GREB1: variants seen among roughly 807,000 people sequenced by gnomAD.
GREB1 encodes the protein protein GREB1.
GREB1 carries 106 observed loss-of-function variants against 200.7 expected under a neutral mutation model. That is an observed-to-expected ratio of 0.53 (90% CI 0.45 to 0.62). The LOEUF is 0.62. Ranked by LOEUF, GREB1 falls within the 20% of genes least tolerant of loss-of-function variation. The pLI is 0.00. For synonymous variants in GREB1, 1,132 were observed against 1,092.4 expected (o/e 1.04, Z -0.72); for missense variants, 2,243 against 2,556.8 (o/e 0.88, Z 2.65).
intron 1 of GREB1, among the ~76,000 whole-genome samples, chr2:11,488,874 A>T (rs1229240461): frequency 1.5e-4 from 2 of 13,206 alleles, no homozygotes; most frequent in Non-Finnish European, 2.3e-3. Flanking sequence ...AGTTTTCATT[A>T]AAAAAAAAAA....
intron 9 of GREB1, 61 bp from the exon 10 acceptor site, chr2:11,588,685 A>C (rs1438562233): frequency 6.8e-7 from 1 of 1,474,496 alleles, no homozygotes; most frequent in Non-Finnish European, 9.5e-7. Context: ...GAGAACCCAC[A>C]TGTATGGGAC....
At chr2:11,624,204 G>A (rs4668733) in intron 23 of GREB1, among the ~76,000 whole-genome samples, 30,232 of 152,026 alleles carry the variant, frequency 0.2, 3,707 homozygotes, top group South Asian at 0.39. Context: ...TTTGCTCACC[G>A]CTTACTCACT....
At chr2:11,590,707 G>A (rs868756190) in intron 10 of GREB1, among the ~76,000 whole-genome samples, 1 of 152,184 alleles carries the variant, frequency 6.6e-6, no homozygotes, top group African/African-American at 2.4e-5. Flanking sequence ...CAGCTAGGGT[G>A]TAAGCTCCAT....
chr2:11,512,854 A>G (rs1673390053), intron 1 of GREB1, among the ~76,000 whole-genome samples: 1 of 152,202 alleles, frequency 6.6e-6, no homozygotes, highest in Non-Finnish European at 1.5e-5. Context: ...CAGCTTAAGT[A>G]ATTTTATGTT....
In GREB1 at chr2:11,615,117, T is replaced by G. The variant is rs771743771; in HGVS notation, c.3149T>G (p.Leu1050Trp). The stretch of plus-strand genomic sequence containing the variant: ...TCTTTGAGGTACTGTGACCTGCGAT[T>G]GATAAACTCCTCCTGCTTGGTGAGA... ...PRSLRYCDLR[L>W]INSSCLVRTA... is the part of the protein sequence containing the mutation. Residue 1050 changes from leucine (L) to tryptophan (W), a missense_variant, in exon 20 of 33, where the codon TTG becomes TGG. Leu to Trp is a moderately conservative substitution (Grantham distance 61). Around this residue, in one of 3 missense-constraint regions of GREB1, gnomAD observed 1,178 missense variants for 1,387.4 expected, o/e 0.85. Coordinates refer to ENST00000381486, the MANE Select transcript of GREB1 (RefSeq NM_014668.4). The G allele has an allele frequency of 6.2e-7, 1 of 1,614,124 alleles. No homozygotes were observed. Among genetic ancestry groups the G allele is most frequent in the East Asian group, 2.2e-5 (1 of 44,872 alleles).
At chr2:11,532,651 G>A (rs1674117834), upstream of GREB1, among the ~76,000 whole-genome samples, 1 of 152,180 alleles carries the variant, frequency 6.6e-6, no homozygotes, top group Non-Finnish European at 1.5e-5. Flanking sequence ...CAGACTCATT[G>A]TTTTGTAGCC....
In GREB1 at chr2:11,610,720, C is replaced by G; in HGVS notation, c.2699C>G (p.Thr900Ser). ...FPRLHSAVIR[T>S]FVLVQHYAAA... ...CGCCTGCACAGCGCGGTGATCAGGACCTTTGTTCTCGTGCAGCACTACGCG... is the reference window on the plus strand; with the variant it reads ...CGCCTGCACAGCGCGGTGATCAGGAGCTTTGTTCTCGTGCAGCACTACGCG... The change falls in exon 18 of 33, where the codon ACC becomes AGC. Residue 900 changes from threonine (T) to serine (S), a missense_variant. Transcript: ENST00000381486. The G allele has an allele frequency of 6.2e-7, 1 of 1,613,248 alleles. No individual in the cohort carries two copies. Among genetic ancestry groups the G allele is most frequent in the African/African-American group, 1.3e-5 (1 of 75,074 alleles).
intron 10 of GREB1, chr2:11,591,516 A>T: frequency 1.4e-6 from 1 of 707,590 alleles, no homozygotes; most frequent in Non-Finnish European, 2.6e-6. Flanking sequence ...GCAAATCACA[A>T]ATCAAGTCAT....
intron 30 of GREB1, 128 bp from the exon 31 acceptor site, chr2:11,637,588 T>G: frequency 1.5e-6 from 1 of 682,318 alleles, no homozygotes; most frequent in East Asian, 2.7e-5. Flanking sequence ...TCTTGAAGTA[T>G]GTGTTCTCAG....
chr2:11,620,654 A>G (rs1368515337), intron 22 of GREB1, among the ~76,000 whole-genome samples: 1 of 152,234 alleles, frequency 6.6e-6, no homozygotes, highest in African/African-American at 2.4e-5. Context: ...CAGCTTAAAA[A>G]TGCGGCTGGT....
chr2:11,546,999 G>T (rs1367716570), intron 1 of GREB1, among the ~76,000 whole-genome samples: 2 of 132,892 alleles, frequency 1.5e-5, no homozygotes. Context: ...AGGCTGGATT[G>T]CAATGGCGCA....
chr2:11,483,604 G>T (rs769437015), intron 1 of GREB1, among the ~76,000 whole-genome samples: 3 of 151,834 alleles, frequency 2.0e-5, no homozygotes, highest in Non-Finnish European at 4.4e-5. Flanking sequence ...TGAAGAGGAT[G>T]CTTCAGGGGA....
intron 1 of GREB1, among the ~76,000 whole-genome samples, chr2:11,511,670 A>G (rs1322795045): frequency 6.6e-6 from 1 of 152,218 alleles, no homozygotes; most frequent in African/African-American, 2.4e-5. Context: ...ATCCTCATCC[A>G]GGAACTCGCC....
chr2:11,511,533 G>C (rs1256279950), intron 1 of GREB1, among the ~76,000 whole-genome samples: 5 of 152,162 alleles, frequency 3.3e-5, no homozygotes, highest in African/African-American at 2.4e-5. Context: ...GGTGGAGAAG[G>C]TAACAGGAAC....
chr2:11,570,425 G>A (rs1303201539), intron 4 of GREB1, among the ~76,000 whole-genome samples: 1 of 150,344 alleles, frequency 6.7e-6, no homozygotes, highest in African/African-American at 2.5e-5. Flanking sequence ...AAAGATAACG[G>A]CTTTTCATTA....
At chr2:11,625,357 A>G (rs1316993486) in intron 24 of GREB1, 45 bp downstream of exon 24, 2 of 1,579,640 alleles carry the variant, frequency 1.3e-6, no homozygotes, top group Non-Finnish European at 1.7e-6. Context: ...GTGCATGGGC[A>G]CAGCCTCTTA....
At chr2:11,541,503 AC>A (rs1674749802) in intron 1 of GREB1, among the ~76,000 whole-genome samples, 1 of 151,490 alleles carries the variant, frequency 6.6e-6, no homozygotes, top group Non-Finnish European at 1.5e-5. Context: ...CTCTCTTCAG[AC>A]CCCCATGCAC....
At position 11,612,622 on chromosome 2, in the gene GREB1, G is replaced by T; in HGVS notation, c.3122+12G>T. 5 of 1,563,106 alleles carry T rather than the reference G, an allele frequency of 3.2e-6. No homozygotes were observed. The highest frequency in any genetic ancestry group is 4.4e-6 in the Non-Finnish European group (5 of 1,135,250). On this transcript the variant is annotated intron_variant, in intron 19 of 32. Transcript: ENST00000381486. ...GAGTCCTTGCCGAGGTGAGTGGAGG[G>T]GTTATGCCCCTGGGGGTCTCTGAGG...
intron 7 of GREB1, among the ~76,000 whole-genome samples, chr2:11,582,157 G>A (rs960011217): frequency 3.3e-5 from 5 of 152,218 alleles, no homozygotes; most frequent in South Asian, 2.1e-4. Flanking sequence ...TCCCTTCTGG[G>A]CTGTCTGTGG....
Sources: gnomAD v4.1 joint callset for allele counts (sites outside exome capture counted in the v4.1 genomes callset) on GRCh38, gnomAD v4.1.1 for gene constraint, gnomAD v4.1.1 regional missense constraint, MANE v1.5 for transcripts, NCBI Gene and HGNC (gene_info 2026-07-23, HGNC 2026-07-21) for gene names.